BICC1: variants seen among roughly 807,000 people sequenced by gnomAD.
BICC1 encodes the protein protein bicaudal C homolog 1.
Under a neutral mutation model 111.0 loss-of-function variants are expected in BICC1, and 43 were observed. That is an observed-to-expected ratio of 0.39 (90% CI 0.30 to 0.50). The LOEUF (loss-of-function observed/expected upper bound fraction) is 0.50. Ranked by LOEUF, BICC1 falls within the 20% of genes least tolerant of loss-of-function variation. The probability of loss-of-function intolerance (pLI) is 0.88; values close to 1 mark genes in which losing one functional copy is unlikely to be tolerated. For missense variants in BICC1, 1,091 were observed against 1,203.2 expected, an observed-to-expected ratio of 0.91 and a Z score of 1.38; for synonymous variants, 467 against 434.4, an observed-to-expected ratio of 1.07 and a Z score of -0.93.
chr10:58,715,570 A>T, intron 3 of BICC1: 1 of 1,573,086 alleles, frequency 6.4e-7, no homozygotes, highest in South Asian at 1.1e-5. Context: ...AAGCGGGACA[A>T]TCGGGTGGCC....
chr10:58,513,164 C>T lies in BICC1; in HGVS notation c.21C>T (p.Pro7=), dbSNP rs758248569. 49 of 1,557,038 alleles carry T rather than the reference C, an allele frequency of 3.1e-5. No homozygotes were observed. The African/African-American group carries it at 6.7e-4, about 21-fold the overall frequency. ...CCACCATGGCCGCCCAGGGAGAGCC[C>T]GGCTACCTGGCGGCGCAGTCGGACC... The part of the protein sequence containing the change: MAAQGE[P]GYLAAQSDPG... The change falls in exon 1 of 21, where the codon CCC becomes CCT. Residue 7 remains proline, a synonymous_variant. Coordinates refer to ENST00000373886, the MANE Select transcript of BICC1 (RefSeq NM_001080512.3).
At chr10:58,532,225 G>C (rs1427753008) in intron 1 of BICC1, among the ~76,000 whole-genome samples, 3 of 151,728 alleles carry the variant, frequency 2.0e-5, no homozygotes, top group Admixed American at 2.0e-4. Flanking sequence ...ACATTTCTCA[G>C]TGGAAGCATC....
intron 2 of BICC1, among the ~76,000 whole-genome samples, chr10:58,693,659 C>A (rs1316079158): frequency 1.3e-5 from 2 of 151,928 alleles, no homozygotes; most frequent in African/African-American, 2.4e-5. Flanking sequence ...TAAATGTCTT[C>A]TTTTGAGAAG....
At chr10:58,560,430 G>A (rs940401621) in intron 1 of BICC1, among the ~76,000 whole-genome samples, 1 of 148,010 alleles carries the variant, frequency 6.8e-6, no homozygotes, top group African/African-American at 2.5e-5. Flanking sequence ...TTCTGATTTT[G>A]TTTATTCGGG....
rs932334963 is a variant in BICC1 at position 58,816,594 on chromosome 10, T to C, written c.2534-968T>C. Among the ~76,000 whole-genome samples, 172 of 152,224 alleles carry C rather than the reference T, an allele frequency of 1.1e-3. 3 individuals carry two copies. The highest frequency in any genetic ancestry group is 3.9e-3 in the African/African-American group (163 of 41,552). On this transcript the variant is annotated intron_variant, in intron 18 of 20. Transcript: ENST00000373886. The stretch of plus-strand genomic sequence containing the variant: ...CCCAGAGTAGACTAGATGGATCTGA[T>C]TGGCTTTGGTCAGTGTTGTCCTCCC...
intron 18 of BICC1, among the ~76,000 whole-genome samples, chr10:58,816,180 T>A (rs1377941482): frequency 1.3e-5 from 2 of 152,206 alleles, no homozygotes; most frequent in Admixed American, 6.5e-5. Flanking sequence ...GCCACTTTGA[T>A]GTAGTCACAT....
At chr10:58,790,687 C>G (rs540849049) in intron 8 of BICC1, among the ~76,000 whole-genome samples, 4 of 152,008 alleles carry the variant, frequency 2.6e-5, no homozygotes, top group Non-Finnish European at 5.9e-5. Context: ...TTAGCCAATG[C>G]GGTGGCAGGT....
intron 1 of BICC1, among the ~76,000 whole-genome samples, chr10:58,521,917 G>GTCCCAGGA (rs1358621932): frequency 1.3e-5 from 2 of 151,580 alleles, no homozygotes; most frequent in East Asian, 3.9e-4. Flanking sequence ...AATGGAGATG[G>GTCCCAGGA]TCCCAGGATC....
At chr10:58,799,827 A>G (rs1589151047) in intron 12 of BICC1, among the ~76,000 whole-genome samples, 1 of 151,962 alleles carries the variant, frequency 6.6e-6, no homozygotes, top group African/African-American at 2.4e-5. Context: ...TGCTTTGGCT[A>G]TTTGGGCTCT....
At chr10:58,802,704 AAAATTAG>A (rs1346078614) in intron 14 of BICC1, among the ~76,000 whole-genome samples, 2 of 152,196 alleles carry the variant, frequency 1.3e-5, no homozygotes, top group Non-Finnish European at 2.9e-5. Context: ...TTGATGTATA[AAAATTAG>A]AAATCTCATC....
At chr10:58,683,040 A>G (rs958456804) in intron 2 of BICC1, among the ~76,000 whole-genome samples, 3 of 152,184 alleles carry the variant, frequency 2.0e-5, no homozygotes, top group African/African-American at 4.8e-5. Context: ...TCTTTAATCC[A>G]TCTTGAATTA....
At chr10:58,699,159 G>A (rs11006225) in intron 2 of BICC1, among the ~76,000 whole-genome samples, 39,155 of 152,192 alleles carry the variant, frequency 0.26, 6,489 homozygotes, top group African/African-American at 0.47. Flanking sequence ...GTGGCTCATA[G>A]AACTTTAGAG....
chr10:58,543,844 A>G, intron 1 of BICC1, among the ~76,000 whole-genome samples: 1 of 151,280 alleles, frequency 6.6e-6, no homozygotes, highest in Admixed American at 6.6e-5. Context: ...AAAAAAAAAA[A>G]AAAAAGAAAC....
chr10:58,716,788 G>A (rs898273558), intron 3 of BICC1, among the ~76,000 whole-genome samples: 1 of 148,432 alleles, frequency 6.7e-6, no homozygotes, highest in Non-Finnish European at 1.5e-5. Context: ...GGTTGGGGGG[G>A]TGGTTTGCTA....
At chr10:58,756,340 C>A (rs954552012) in intron 3 of BICC1, among the ~76,000 whole-genome samples, 1 of 152,074 alleles carries the variant, frequency 6.6e-6, no homozygotes, top group Non-Finnish European at 1.5e-5. Flanking sequence ...AAATGAAACT[C>A]GCTGTTTTGT....
chr10:58,790,074 A>T, intron 8 of BICC1, 141 bp downstream of exon 8: 2 of 913,992 alleles, frequency 2.2e-6, no homozygotes, highest in Non-Finnish European at 3.3e-6. Context: ...TGCTAAAAGG[A>T]AATAAACTGG....
chr10:58,783,808 G>T (rs943273134), intron 3 of BICC1, among the ~76,000 whole-genome samples: 3 of 152,192 alleles, frequency 2.0e-5, no homozygotes, highest in African/African-American at 7.2e-5. Context: ...ATGTTATTCA[G>T]TTTTATCATA....
intron 1 of BICC1, among the ~76,000 whole-genome samples, chr10:58,554,236 A>G (rs1843378923): frequency 6.6e-6 from 1 of 152,118 alleles, no homozygotes; most frequent in Non-Finnish European, 1.5e-5. Flanking sequence ...ACAGTTAAGG[A>G]AAGCTGAGAG....
chr10:58,687,723 G>T (rs754898634), intron 2 of BICC1, among the ~76,000 whole-genome samples: 1 of 152,154 alleles, frequency 6.6e-6, no homozygotes, highest in Non-Finnish European at 1.5e-5. Context: ...TTGGAAAAGC[G>T]CAGTATTAGG....
Sources: gnomAD v4.1 joint callset for allele counts (sites outside exome capture counted in the v4.1 genomes callset) on GRCh38, gnomAD v4.1.1 for gene constraint, MANE v1.5 for transcripts, NCBI Gene and HGNC (gene_info 2026-07-23, HGNC 2026-07-21) for gene names.